Variants in KIAA1328 observed in about 807,000 individuals in gnomAD.
KIAA1328 encodes the protein protein hinderin.
Under a neutral mutation model 68.1 loss-of-function variants are expected in KIAA1328, and 52 were observed. The observed-to-expected ratio is 0.76, with a 90% CI of 0.61 to 0.96. The LOEUF (loss-of-function observed/expected upper bound fraction) is 0.96, where lower values mean the gene tolerates loss of function less well. Among genes scored for constraint, KIAA1328 ranks in the 40% least tolerant of loss-of-function variants. The pLI is 0.00. For missense variants in KIAA1328, 641 were observed against 677.6 expected, an observed-to-expected ratio of 0.95 and a Z score of 0.60; for synonymous variants, 232 against 239.4, an observed-to-expected ratio of 0.97 and a Z score of 0.28.
chr18:36,863,759 CT>C (rs2047648959), intron 4 of KIAA1328, among the ~76,000 whole-genome samples: 1 of 151,986 alleles, frequency 6.6e-6, no homozygotes, highest in Middle Eastern at 3.2e-3. Context: ...ATTTAATTTT[CT>C]TTGGTGCAAT....
At chr18:36,976,661 T>C (rs2052485256) in intron 6 of KIAA1328, among the ~76,000 whole-genome samples, 1 of 151,770 alleles carries the variant, frequency 6.6e-6, no homozygotes, top group Non-Finnish European at 1.5e-5. Flanking sequence ...ACAATTGTTA[T>C]ATATTATAAT....
At chr18:36,972,743 C>T (rs146828328) in intron 6 of KIAA1328, among the ~76,000 whole-genome samples, 32 of 152,350 alleles carry the variant, frequency 2.1e-4, no homozygotes, top group African/African-American at 7.2e-4. Flanking sequence ...GCCAACCTGT[C>T]TCTCCTGTCC....
chr18:37,145,370 C>T (rs187148117), intron 7 of KIAA1328, among the ~76,000 whole-genome samples: 1 of 152,112 alleles, frequency 6.6e-6, no homozygotes, highest in East Asian at 1.9e-4. Flanking sequence ...TATAACACAA[C>T]GTGTGATCTG....
Position 37,067,439 on chromosome 18 carries a change from G to C in KIAA1328, c.1126G>C (p.Glu376Gln). 1 of 1,594,818 alleles carries C rather than the reference G, an allele frequency of 6.3e-7. No individual in the cohort carries two copies. The highest frequency in any genetic ancestry group is 8.5e-7 in the Non-Finnish European group (1 of 1,170,526). ...GCAGCAACTGATGCTTCAGAAAATG[G>C]AACTGGAAATTGAAAAGGAGCGCCT... ...RKQQLMLQKM[E>Q]LEIEKERLQH... is the part of the protein sequence containing the mutation. Residue 376 changes from glutamate (E) to glutamine (Q), a missense_variant, in exon 7 of 10, where the codon GAA becomes CAA. Transcript: ENST00000280020.
chr18:36,895,972 A>G (rs540653462), intron 5 of KIAA1328, among the ~76,000 whole-genome samples: 18 of 152,278 alleles, frequency 1.2e-4, no homozygotes, highest in Non-Finnish European at 2.5e-4. Flanking sequence ...TTGGACTTCC[A>G]GCCTCCAGAA....
chr18:37,024,608 A>G (rs1250905453), intron 6 of KIAA1328, among the ~76,000 whole-genome samples: 2 of 143,706 alleles, frequency 1.4e-5, no homozygotes, highest in African/African-American at 5.2e-5. Flanking sequence ...ATTCCCATCT[A>G]TGAGTGAGAA....
At chr18:36,960,293 C>T (rs2051605580) in intron 6 of KIAA1328, among the ~76,000 whole-genome samples, 1 of 152,184 alleles carries the variant, frequency 6.6e-6, no homozygotes, top group Non-Finnish European at 1.5e-5. Flanking sequence ...AGTAGGTAAA[C>T]AGTGGCCGGG....
chr18:36,830,174 A>G (rs1000562672), intron 1 of KIAA1328, among the ~76,000 whole-genome samples: 7 of 152,210 alleles, frequency 4.6e-5, no homozygotes, highest in African/African-American at 1.7e-4. Flanking sequence ...GAAACTTACA[A>G]AACTGTGTTA....
chr18:37,145,634 G>A (rs1351191660), intron 7 of KIAA1328, among the ~76,000 whole-genome samples: 1 of 152,044 alleles, frequency 6.6e-6, no homozygotes, highest in Non-Finnish European at 1.5e-5. Context: ...TTGAAGCATT[G>A]TTCTAGATGC....
chr18:36,950,991 A>G (rs946491202), intron 5 of KIAA1328, among the ~76,000 whole-genome samples: 1 of 152,166 alleles, frequency 6.6e-6, no homozygotes, highest in Non-Finnish European at 1.5e-5. Flanking sequence ...TGGCTTCTCA[A>G]CTCAGTCTTT....
chr18:37,042,713 T>C (rs2055304908), intron 6 of KIAA1328, among the ~76,000 whole-genome samples: 1 of 152,224 alleles, frequency 6.6e-6, no homozygotes, highest in African/African-American at 2.4e-5. Context: ...TATCTAGGTG[T>C]GGATCTCTTT....
At chr18:36,836,377 G>C (rs1304284764) in intron 3 of KIAA1328, among the ~76,000 whole-genome samples, 4 of 152,030 alleles carry the variant, frequency 2.6e-5, no homozygotes, top group African/African-American at 9.7e-5. Flanking sequence ...TTGTCCTATT[G>C]GCTATAACTT....
intron 4 of KIAA1328, among the ~76,000 whole-genome samples, chr18:36,872,157 G>A (rs2047967581): frequency 6.6e-6 from 1 of 152,058 alleles, no homozygotes; most frequent in African/African-American, 2.4e-5. Context: ...GGTGGTGCTG[G>A]GGCTGGGTCC....
intron 6 of KIAA1328, among the ~76,000 whole-genome samples, chr18:36,987,676 A>G (rs912357806): frequency 6.6e-6 from 1 of 152,008 alleles, no homozygotes; most frequent in African/African-American, 2.4e-5. Context: ...ATTACAGGGG[A>G]CACAAGGAGA....
intron 4 of KIAA1328, among the ~76,000 whole-genome samples, chr18:36,852,082 AT>A (rs574131433): frequency 1.0e-3 from 158 of 151,934 alleles, no homozygotes; most frequent in African/African-American, 3.5e-3. Flanking sequence ...ATATTTGTGC[AT>A]TTTTTTGGTT....
chr18:37,010,394 G>A (rs1169569900), intron 6 of KIAA1328, among the ~76,000 whole-genome samples: 5 of 136,680 alleles, frequency 3.7e-5, no homozygotes, highest in African/African-American at 1.2e-4. Flanking sequence ...AGTGAGCCGA[G>A]ATTGTGACAC....
chr18:37,175,078 T>C (rs2059574143), intron 9 of KIAA1328, among the ~76,000 whole-genome samples: 1 of 152,234 alleles, frequency 6.6e-6, no homozygotes, highest in African/African-American at 2.4e-5. Flanking sequence ...CACTTAACGT[T>C]GTGGCTGAAA....
intron 7 of KIAA1328, among the ~76,000 whole-genome samples, chr18:37,158,802 T>C (rs907423372): frequency 6.6e-6 from 1 of 152,108 alleles, no homozygotes; most frequent in Non-Finnish European, 1.5e-5. Flanking sequence ...CTGGCTGAGC[T>C]GAGAATGAAT....
chr18:37,084,548 A>G (rs1358798847), intron 7 of KIAA1328: 1 of 138,068 alleles, frequency 7.2e-6, no homozygotes, highest in Admixed American at 8.8e-5. Context: ...ACAGAATTTT[A>G]TGTTACTTTT....
Sources: gnomAD v4.1 joint callset for allele counts (sites outside exome capture counted in the v4.1 genomes callset) on GRCh38, gnomAD v4.1.1 for gene constraint, MANE v1.5 for transcripts, NCBI Gene and HGNC (gene_info 2026-07-23, HGNC 2026-07-21) for gene names.